The following NELL1 variants were observed in gnomAD, a reference collection of about 807,000 sequenced individuals.
NELL1 encodes the protein protein kinase C-binding protein NELL1.
In NELL1, 76 loss-of-function variants were observed where a neutral mutation model predicts 107.4. The observed-to-expected ratio is 0.71, with a 90% confidence interval of 0.59 to 0.86. NELL1 has a LOEUF of 0.86. Ranked by LOEUF, NELL1 falls within the 40% of genes least tolerant of loss-of-function variation. The pLI is 0.00. For synonymous variants in NELL1, 353 were observed against 341.2 expected, an observed-to-expected ratio of 1.03 and a Z score of -0.38; for missense variants, 1,024 against 1,005.5, an observed-to-expected ratio of 1.02 and a Z score of -0.25.
intron 12 of NELL1, among the ~76,000 whole-genome samples, chr11:20,966,863 C>T (rs959525722): frequency 5.3e-5 from 8 of 151,564 alleles, no homozygotes; most frequent in African/African-American, 1.2e-4. Flanking sequence ...GACACACACA[C>T]GATTTTCTTC....
At chr11:20,960,661 C>G (rs1428025189) in intron 12 of NELL1, 101 bp downstream of exon 12, 1 of 1,243,818 alleles carries the variant, frequency 8.0e-7, no homozygotes, top group African/African-American at 1.5e-5. Context: ...TGGCTGTGGT[C>G]CTATGCAATC....
chr11:21,301,069 A>G (rs887614976), intron 14 of NELL1, among the ~76,000 whole-genome samples: 1 of 152,186 alleles, frequency 6.6e-6, no homozygotes. Context: ...CACAAAGAAC[A>G]TGAACTCATC....
At chr11:21,410,820 G>A (rs1257208494) in intron 15 of NELL1, among the ~76,000 whole-genome samples, 2 of 152,060 alleles carry the variant, frequency 1.3e-5, no homozygotes, top group Non-Finnish European at 2.9e-5. Flanking sequence ...TGGAGCATAC[G>A]GCGTGTGCCG....
At chr11:21,302,692 C>T (rs4320948) in intron 14 of NELL1, among the ~76,000 whole-genome samples, 140,747 of 151,936 alleles carry the variant, frequency 0.93, 65,327 homozygotes, top group Non-Finnish European at 0.95. Flanking sequence ...AACTCATGTG[C>T]TGATTAGACA....
intron 13 of NELL1, among the ~76,000 whole-genome samples, chr11:21,205,471 C>T (rs374128141): frequency 6.6e-6 from 1 of 152,210 alleles, no homozygotes; most frequent in Non-Finnish European, 1.5e-5. Context: ...GCATTCCCCC[C>T]ACCAAGCTTG....
At chr11:21,046,421 A>G (rs1000071721) in intron 12 of NELL1, among the ~76,000 whole-genome samples, 1 of 152,140 alleles carries the variant, frequency 6.6e-6, no homozygotes, top group Admixed American at 6.6e-5. Context: ...AGCATGCCTC[A>G]ACTATAATGT....
intron 12 of NELL1, among the ~76,000 whole-genome samples, chr11:20,971,559 G>C (rs1424054224): frequency 6.6e-6 from 1 of 152,164 alleles, no homozygotes; most frequent in African/African-American, 2.4e-5. Flanking sequence ...TGTTATTGCA[G>C]CTGGTATGTT....
At chr11:20,943,069 T>A (rs888323644) in intron 10 of NELL1, among the ~76,000 whole-genome samples, 4 of 147,164 alleles carry the variant, frequency 2.7e-5, no homozygotes, top group Non-Finnish European at 4.5e-5. Flanking sequence ...TTTTTTTTTT[T>A]AATAATTTAG....
intron 14 of NELL1, among the ~76,000 whole-genome samples, chr11:21,269,905 T>A (rs752738200): frequency 9.9e-5 from 15 of 152,070 alleles, no homozygotes; most frequent in Non-Finnish European, 1.3e-4. Flanking sequence ...GATACAGTGA[T>A]GGGAGAGAGA....
intron 12 of NELL1, among the ~76,000 whole-genome samples, chr11:21,016,811 C>A (rs923867114): frequency 1.3e-5 from 2 of 152,080 alleles, no homozygotes; most frequent in Non-Finnish European, 2.9e-5. Flanking sequence ...CAACTTGAAA[C>A]CTTTCAGGAG....
chr11:21,200,156 T>C lies in NELL1; in HGVS notation c.1427-29176T>C, dbSNP rs560040982. Among the ~76,000 whole-genome samples the C allele has an allele frequency of 2.6e-5, 4 of 152,328 alleles. No individual in the cohort carries two copies. The South Asian group carries it at 8.3e-4, about 32-fold the overall frequency. On this transcript the variant is annotated intron_variant, in intron 13 of 19. Transcript: ENST00000357134. ...AATGATTTACAGTCCTTTGGGTATA[T>C]ACCCAGTAATGGGATTGCTGGATCA... is the stretch of plus-strand genomic sequence containing the variant.
intron 12 of NELL1, among the ~76,000 whole-genome samples, chr11:20,967,178 T>C (rs999853343): frequency 7.2e-5 from 11 of 152,260 alleles, no homozygotes; most frequent in African/African-American, 2.6e-4. Flanking sequence ...GGCCAGTTCA[T>C]AGAAGCCCAG....
chr11:20,976,034 T>C (rs1489544079), intron 12 of NELL1, among the ~76,000 whole-genome samples: 3 of 144,130 alleles, frequency 2.1e-5, no homozygotes, highest in South Asian at 4.3e-4. Context: ...ATATGTATTA[T>C]ATACATTACA....
At chr11:21,070,874 G>A (rs1321282383) in intron 12 of NELL1, among the ~76,000 whole-genome samples, 1 of 152,142 alleles carries the variant, frequency 6.6e-6, no homozygotes, top group Non-Finnish European at 1.5e-5. Flanking sequence ...CCTCTTGCCA[G>A]ATCGAAAATA....
intron 12 of NELL1, among the ~76,000 whole-genome samples, chr11:20,999,296 C>T (rs1019511356): frequency 1.3e-5 from 2 of 152,146 alleles, no homozygotes; most frequent in South Asian, 2.1e-4. Context: ...ATTTGGGACT[C>T]CATTAAGCTT....
intron 13 of NELL1, among the ~76,000 whole-genome samples, chr11:21,153,524 G>A (rs1313098940): frequency 6.6e-6 from 1 of 152,132 alleles, no homozygotes; most frequent in Non-Finnish European, 1.5e-5. Flanking sequence ...GACACAGAAT[G>A]TTTGCCGTGA....
intron 2 of NELL1, among the ~76,000 whole-genome samples, chr11:20,767,982 T>C (rs1431044379): frequency 6.6e-6 from 1 of 151,928 alleles, no homozygotes; most frequent in African/African-American, 2.4e-5. Flanking sequence ...GAGAGAGACT[T>C]AGGGGGAGAG....
chr11:20,715,008 C>T (rs1855207029), intron 2 of NELL1, among the ~76,000 whole-genome samples: 1 of 152,090 alleles, frequency 6.6e-6, no homozygotes, highest in Admixed American at 6.5e-5. Context: ...CTTCGGGAGG[C>T]CAAGGCGGGC....
chr11:21,294,353 G>A (rs1160546392), intron 14 of NELL1, among the ~76,000 whole-genome samples: 3 of 152,104 alleles, frequency 2.0e-5, no homozygotes, highest in Admixed American at 6.6e-5. Context: ...TTCACATTTT[G>A]TCTTGTATTA....
Sources: gnomAD v4.1 joint callset for allele counts (sites outside exome capture counted in the v4.1 genomes callset) on GRCh38, gnomAD v4.1.1 for gene constraint, MANE v1.5 for transcripts, NCBI Gene and HGNC (gene_info 2026-07-23, HGNC 2026-07-21) for gene names.